The following FRMD4A variants were observed in gnomAD, a reference collection of about 807,000 sequenced individuals.
FRMD4A encodes the protein FERM domain-containing protein 4A.
FRMD4A carries 29 observed loss-of-function variants against 129.1 expected under a neutral mutation model. The ratio of observed to expected loss-of-function variants is 0.22; its 90% CI spans 0.17 to 0.31. The LOEUF is 0.31. Ranked by LOEUF, FRMD4A falls within the 10% of genes least tolerant of loss-of-function variation. The pLI is 1.00. For synonymous variants in FRMD4A, 634 were observed against 571.6 expected (o/e 1.11, Z -1.56); for missense variants, 1,272 against 1,375.8 (o/e 0.92, Z 1.19).
intron 15 of FRMD4A, chr10:13,685,372 G>GA (rs2084973822): frequency 2.0e-6 from 2 of 984,056 alleles, no homozygotes; most frequent in South Asian, 9.4e-5. Flanking sequence ...GAGGAGAATG[G>GA]AAAAAAATAA....
At position 14,249,609 on chromosome 10, in the gene FRMD4A, C is replaced by T. The variant is rs74122402; in HGVS notation, c.45+80449G>A. ...CCATAACAATGTCTATTTCTTCTACCGACCCAGAAATTTCACTTACAGGAA... is the reference window on the plus strand; with the variant it reads ...CCATAACAATGTCTATTTCTTCTACTGACCCAGAAATTTCACTTACAGGAA... On this transcript the variant is annotated intron_variant, in intron 2 of 24. Coordinates refer to ENST00000357447, the MANE Select transcript of FRMD4A (RefSeq NM_018027.5). Among the ~76,000 whole-genome samples the T allele has an allele frequency of 2.3e-3, 348 of 152,276 alleles. 1 individual carries two copies. The highest frequency in any genetic ancestry group is 7.9e-3 in the African/African-American group (327 of 41,566).
At chr10:13,817,855 G>A (rs1329720471) in intron 3 of FRMD4A, among the ~76,000 whole-genome samples, 2 of 152,152 alleles carry the variant, frequency 1.3e-5, no homozygotes, top group Non-Finnish European at 1.5e-5. Context: ...TGACTTCCAT[G>A]AGCCCTTCAG....
intron 2 of FRMD4A, among the ~76,000 whole-genome samples, chr10:13,967,303 C>T (rs946791691): frequency 6.6e-6 from 1 of 151,926 alleles, no homozygotes; most frequent in Non-Finnish European, 1.5e-5. Flanking sequence ...CGCCACTGCA[C>T]TCCAGCCTGG....
intron 4 of FRMD4A, among the ~76,000 whole-genome samples, chr10:13,798,933 A>G (rs1473343326): frequency 2.0e-5 from 3 of 152,160 alleles, no homozygotes; most frequent in Non-Finnish European, 4.4e-5. Context: ...CCTTCGTCCC[A>G]GTAGGCCTTT....
chr10:14,177,154 C>G (rs1459010373), intron 2 of FRMD4A, among the ~76,000 whole-genome samples: 1 of 152,156 alleles, frequency 6.6e-6, no homozygotes, highest in Non-Finnish European at 1.5e-5. Context: ...TCAGAAACCC[C>G]TCTCATCAGA....
At chr10:14,252,887 G>A (rs1844486822) in intron 2 of FRMD4A, among the ~76,000 whole-genome samples, 2 of 152,052 alleles carry the variant, frequency 1.3e-5, no homozygotes, top group Non-Finnish European at 2.9e-5. Flanking sequence ...TTATCTGTTA[G>A]TATTCTACTA....
In FRMD4A at chr10:13,705,535, T is replaced by C. The variant is rs1007827270; in HGVS notation, c.836+1502A>G. 7.2e-5 allele frequency among the ~76,000 whole-genome samples: 11 copies of C among 152,280 alleles called. No homozygotes were observed. In the South Asian group the frequency reaches 2.3e-3, roughly 32 times the overall value. ...TCCCCTTTCTGCATCTGACCCATTG[T>C]GGCAAAGTTCATTTCACTCTTTCTG... On this transcript the variant is annotated intron_variant, in intron 13 of 24. Transcript: ENST00000357447.
intron 3 of FRMD4A, among the ~76,000 whole-genome samples, chr10:13,839,435 T>C (rs1227724427): frequency 1.3e-5 from 2 of 152,218 alleles, no homozygotes; most frequent in African/African-American, 2.4e-5. Context: ...TGGTCATCTC[T>C]GCCAACAGGA....
chr10:14,175,020 G>GA (rs1841665733), intron 2 of FRMD4A, among the ~76,000 whole-genome samples: 1 of 151,944 alleles, frequency 6.6e-6, no homozygotes, highest in Non-Finnish European at 1.5e-5. Context: ...CACAATGAAA[G>GA]AAAAATGGCA....
At chr10:14,293,294 C>T (rs776248691) in intron 2 of FRMD4A, among the ~76,000 whole-genome samples, 6 of 152,100 alleles carry the variant, frequency 3.9e-5, no homozygotes, top group Non-Finnish European at 8.8e-5. Context: ...TCTTGCCCTT[C>T]CACCTTCCAC....
At chr10:13,811,884 G>GT (rs775972279) in intron 3 of FRMD4A, among the ~76,000 whole-genome samples, 47,344 of 134,754 alleles carry the variant, frequency 0.35, 8,674 homozygotes, top group Middle Eastern at 0.44. Context: ...TTATCTGTTG[G>GT]TTTTTTTTTT....
chr10:13,842,945 T>C (rs1212540283), intron 3 of FRMD4A, among the ~76,000 whole-genome samples: 2 of 152,216 alleles, frequency 1.3e-5, no homozygotes, highest in African/African-American at 2.4e-5. Context: ...ATTTTTCATA[T>C]ACTGACTTGG....
chr10:13,756,425 G>A lies in FRMD4A; in HGVS notation c.464+5222C>T, dbSNP rs551447790. On this transcript the variant is annotated intron_variant, in intron 8 of 24. Transcript: ENST00000357447. Reference sequence around the variant, plus strand: ...GGCTGGAGTGCAGTGGTGCAATCTCGGCTCACTGCAGCGGCAGCCTCTGCC... The same window carrying A: ...GGCTGGAGTGCAGTGGTGCAATCTCAGCTCACTGCAGCGGCAGCCTCTGCC... Among the ~76,000 whole-genome samples the A allele has an allele frequency of 7.9e-5, 12 of 152,162 alleles. No homozygotes were observed. The South Asian group carries it at 2.3e-3, about 29-fold the overall frequency.
intron 2 of FRMD4A, among the ~76,000 whole-genome samples, chr10:13,989,421 T>A (rs577891678): frequency 1.3e-5 from 2 of 152,266 alleles, no homozygotes; most frequent in East Asian, 3.9e-4. Flanking sequence ...AGTGGCGCCA[T>A]CTTGGCTCAC....
At chr10:13,938,094 C>A (rs1588429973) in intron 2 of FRMD4A, among the ~76,000 whole-genome samples, 1 of 152,204 alleles carries the variant, frequency 6.6e-6, no homozygotes, top group East Asian at 1.9e-4. Context: ...CCCTAAACCA[C>A]CACTACAGAT....
intron 2 of FRMD4A, among the ~76,000 whole-genome samples, chr10:13,945,430 G>C (rs983997246): frequency 3.3e-4 from 50 of 152,092 alleles, no homozygotes; most frequent in Admixed American, 5.2e-4. Flanking sequence ...CAACCAGAAT[G>C]CTATCAAATC....
At chr10:13,880,589 C>G (rs2094535965) in intron 2 of FRMD4A, among the ~76,000 whole-genome samples, 2 of 152,150 alleles carry the variant, frequency 1.3e-5, no homozygotes, top group African/African-American at 4.8e-5. Context: ...CATGTGACTC[C>G]CACCAGTCCT....
At chr10:13,684,986 C>A in intron 15 of FRMD4A, 1 of 983,470 alleles carries the variant, frequency 1.0e-6, no homozygotes. Flanking sequence ...TAGAATTCTT[C>A]TTTATGATAA....
intron 6 of FRMD4A, among the ~76,000 whole-genome samples, chr10:13,778,118 A>T (rs1030957780): frequency 6.6e-6 from 1 of 151,942 alleles, no homozygotes; most frequent in Non-Finnish European, 1.5e-5. Context: ...CCTGCTGGAG[A>T]GTGATTTCGC....
Sources: allele counts gnomAD v4.1 joint callset (sites outside exome capture counted in the v4.1 genomes callset), GRCh38; gene constraint gnomAD v4.1.1; transcripts MANE v1.5; gene names NCBI Gene and HGNC (gene_info 2026-07-23, HGNC 2026-07-21).